TBC1D8B: variants seen among roughly 807,000 people sequenced by gnomAD.
TBC1D8B encodes TBC1 domain family member 8B, also known as RP11-321G1.1.
A neutral mutation model predicts 82.9 loss-of-function variants in TBC1D8B; 75 were observed. That is an observed-to-expected ratio of 0.90 (90% confidence interval 0.75 to 1.10). TBC1D8B has a LOEUF of 1.10. TBC1D8B is among the 50% of genes least tolerant of loss of function. The pLI is 0.00. For synonymous variants in TBC1D8B, 276 were observed against 276.8 expected (o/e 1.00, Z 0.03); for missense variants, 794 against 796.9 (o/e 1.00, Z 0.04).
intron 4 of TBC1D8B, among the ~76,000 whole-genome samples, chrX:106,822,578 A>G (rs1931724483): frequency 9.0e-6 from 1 of 111,655 alleles, no homozygotes; most frequent in Non-Finnish European, 1.9e-5. Flanking sequence ...CTTTGTAGCT[A>G]CAAAGAAGAA....
At chrX:106,859,828 T>C (rs779365256) in intron 14 of TBC1D8B, among the ~76,000 whole-genome samples, 1 of 111,970 alleles carries the variant, frequency 8.9e-6, no homozygotes, top group Non-Finnish European at 1.9e-5. Context: ...TGGTTGTGGA[T>C]TTGTCATAAA....
chrX:106,822,936 G>A (rs1386616473), intron 4 of TBC1D8B, among the ~76,000 whole-genome samples: 2 of 110,603 alleles, frequency 1.8e-5, no homozygotes, highest in East Asian at 2.8e-4. Context: ...ACTTGAACCC[G>A]GGAGGTCAAG....
chrX:106,831,656 T>G (rs1932049281), intron 7 of TBC1D8B, among the ~76,000 whole-genome samples: 1 of 111,970 alleles, frequency 8.9e-6, no homozygotes, highest in African/African-American at 3.2e-5. Flanking sequence ...CCTTAAAACT[T>G]TCATGTGCTT....
rs991445388 is a variant in TBC1D8B at position 106,875,296 on chromosome X, T to C, written c.*1331T>C. 1 of 111,913 alleles carries C rather than the reference T, an allele frequency of 8.9e-6. No individual in the cohort carries two copies. The highest frequency in any genetic ancestry group is 3.2e-5 in the African/African-American group (1 of 30,783). 9.2% of individuals were successfully genotyped at this position (111,913 alleles called of 1,213,427 possible). A position where few individuals can be genotyped will look rare whatever the true frequency, so the allele number is the denominator to read the frequency against. Reference sequence around the variant, plus strand: ...GAAACCATGAAAGGGCAGACCTCCTTCAGAGTGACTCAAGAGGTCTCCCTT... The same window carrying C: ...GAAACCATGAAAGGGCAGACCTCCTCCAGAGTGACTCAAGAGGTCTCCCTT... On this transcript the variant is annotated 3_prime_UTR_variant, in exon 21 of 21. Coordinates refer to ENST00000357242, the MANE Select transcript of TBC1D8B (RefSeq NM_017752.3).
chrX:106,855,592 T>C (rs1193527175), intron 14 of TBC1D8B, among the ~76,000 whole-genome samples: 1 of 112,262 alleles, frequency 8.9e-6, no homozygotes, highest in Non-Finnish European at 1.9e-5. Context: ...TTGAATAGTA[T>C]GCCATAATAT....
At chrX:106,856,509 T>C (rs1199403497) in intron 14 of TBC1D8B, among the ~76,000 whole-genome samples, 1 of 111,008 alleles carries the variant, frequency 9.0e-6, no homozygotes, top group Non-Finnish European at 1.9e-5. Flanking sequence ...ACCTAGAGTA[T>C]ATTTTTTTAT....
intron 9 of TBC1D8B, 146 bp from the exon 10 acceptor site, chrX:106,840,524 T>C (rs1222313566): frequency 1.3e-5 from 7 of 547,195 alleles, no homozygotes; most frequent in Non-Finnish European, 2.0e-5. Context: ...TAGATTCTAG[T>C]GTAAAGCTCT....
rs762757859 is a variant in TBC1D8B, at chrX:106,865,852, C to A, written c.2481C>A (p.Asp827Glu). 8.3e-7 allele frequency: 1 copy of A among 1,209,945 alleles called. No individual in the cohort carries two copies. Among genetic ancestry groups the A allele is most frequent in the Admixed American group, 2.2e-5 (1 of 45,958 alleles). Residue 827 changes from aspartate (D) to glutamate (E), a missense_variant, in exon 16 of 21, where the codon GAC becomes GAA. Transcript: ENST00000357242. ...CLGCPVLKHH[D>E]PSLPYLEQYQ... ...GTTGCCCAGTATTGAAGCATCATGA[C>A]CCCAGTCTGCCATATTTGGAACAGT... is the stretch of plus-strand genomic sequence containing the variant.
chrX:106,814,693 C>G (rs1931484537), intron 1 of TBC1D8B: 1 of 110,410 alleles, frequency 9.1e-6, no homozygotes, highest in Non-Finnish European at 1.9e-5. Context: ...TTCTCCACAT[C>G]CTCTCCAGCA....
At chrX:106,866,709 T>C in intron 16 of TBC1D8B, 88 bp from the exon 17 acceptor site, 1 of 657,971 alleles carries the variant, frequency 1.5e-6, no homozygotes, top group Non-Finnish European at 2.2e-6. Context: ...TTTTGACTAA[T>C]GTCTATATCT....
At chrX:106,841,064 T>G (rs999015814) in intron 10 of TBC1D8B, among the ~76,000 whole-genome samples, 180 bp downstream of exon 10, 2 of 111,939 alleles carry the variant, frequency 1.8e-5, no homozygotes, top group African/African-American at 6.5e-5. Flanking sequence ...TATTTCATTA[T>G]TTTTCTTTTT....
intron 10 of TBC1D8B, among the ~76,000 whole-genome samples, chrX:106,845,798 C>G (rs1160793000): frequency 3.6e-5 from 4 of 111,054 alleles, no homozygotes; most frequent in Non-Finnish European, 7.5e-5. Context: ...TTTGGCCCAA[C>G]TGCTATCCAC....
At chrX:106,861,240 G>A (rs7877264) in intron 14 of TBC1D8B, among the ~76,000 whole-genome samples, 18,196 of 110,784 alleles carry the variant, frequency 0.16, 3,489 homozygotes, top group African/African-American at 0.56. Flanking sequence ...TGTTAGGTCC[G>A]TTTGGTCAAG....
chrX:106,856,772 T>C (rs1932706108), intron 14 of TBC1D8B, among the ~76,000 whole-genome samples: 2 of 111,986 alleles, frequency 1.8e-5, no homozygotes, highest in African/African-American at 6.5e-5. Flanking sequence ...TGTTCTTTAG[T>C]AAGCATTTTA....
intron 8 of TBC1D8B, 75 bp downstream of exon 8, chrX:106,839,532 A>G (rs1295554028): frequency 4.0e-6 from 4 of 1,003,536 alleles, no homozygotes; most frequent in Non-Finnish European, 3.9e-6. Flanking sequence ...GCAGACTAGA[A>G]GGTATCACAA....
chrX:106,828,852 A>G (rs1602415740), intron 7 of TBC1D8B: 1 of 107,812 alleles, frequency 9.3e-6, no homozygotes, highest in South Asian at 3.8e-4. Flanking sequence ...ATGGGCAAAA[A>G]CTGGAAGCAT....
intron 14 of TBC1D8B, among the ~76,000 whole-genome samples, chrX:106,857,915 C>T (rs1475208653): frequency 8.9e-6 from 1 of 111,851 alleles, no homozygotes; most frequent in Non-Finnish European, 1.9e-5. Context: ...ATTTATATTC[C>T]TTTAGGTATA....
intron 7 of TBC1D8B, among the ~76,000 whole-genome samples, chrX:106,834,101 C>T (rs1478032544): frequency 9.0e-6 from 1 of 111,072 alleles, no homozygotes; most frequent in Non-Finnish European, 1.9e-5. Context: ...TCCTTGAATC[C>T]TATCTATACT....
At chrX:106,844,476 CATATAT>C (rs779296924) in intron 10 of TBC1D8B, among the ~76,000 whole-genome samples, 2 of 100,598 alleles carry the variant, frequency 2.0e-5, no homozygotes, top group Non-Finnish European at 4.0e-5. Context: ...TTATTTTTTC[CATATAT>C]ATATATATAT....
Sources: allele counts gnomAD v4.1 joint callset (sites outside exome capture counted in the v4.1 genomes callset), GRCh38; gene constraint gnomAD v4.1.1; transcripts MANE v1.5; gene names NCBI Gene and HGNC (gene_info 2026-07-23, HGNC 2026-07-21).